The following ANO1 variants were observed in gnomAD, a reference collection of about 807,000 sequenced individuals.
ANO1 encodes anoctamin-1.
A neutral mutation model predicts 124.0 loss-of-function variants in ANO1; 59 were observed. The ratio of observed to expected loss-of-function variants is 0.48; its 90% confidence interval spans 0.39 to 0.59. The LOEUF (loss-of-function observed/expected upper bound fraction) is 0.59, where lower values mean the gene tolerates loss of function less well. ANO1 is among the 20% of genes least tolerant of loss of function. ANO1 has a pLI of 0.00. For missense variants in ANO1, 1,059 were observed against 1,328.0 expected, an observed-to-expected ratio of 0.80 and a Z score of 3.15; for synonymous variants, 529 against 532.0, an observed-to-expected ratio of 0.99 and a Z score of 0.08.
At chr11:70,084,777 A>C (rs993322371) in intron 1 of ANO1, among the ~76,000 whole-genome samples, 2 of 152,116 alleles carry the variant, frequency 1.3e-5, no homozygotes, top group Non-Finnish European at 2.9e-5. Flanking sequence ...CCACTGCCCC[A>C]GGCTGGGACA....
At chr11:69,989,301 C>A (rs1479739611) in intron 1 of ANO1, among the ~76,000 whole-genome samples, 2 of 152,150 alleles carry the variant, frequency 1.3e-5, no homozygotes, top group Non-Finnish European at 2.9e-5. Flanking sequence ...AAAGAGTTGT[C>A]CCTCCTGAAG....
Position 70,184,757 on chromosome 11 carries a change from G to T in ANO1, c.2589-833G>T, listed in dbSNP as rs1051076088. Among the ~76,000 whole-genome samples the T allele has an allele frequency of 2.3e-4, 35 of 152,126 alleles. 2 individuals carry two copies. The highest frequency in any genetic ancestry group is 2.3e-3 in the Admixed American group (35 of 15,268). ...GTGTTTTTTGGTTGTTGTTTGGTTTGCTTTTTTTAGAGACGGTCTCACTTT... is the reference window on the plus strand; with the variant it reads ...GTGTTTTTTGGTTGTTGTTTGGTTTTCTTTTTTTAGAGACGGTCTCACTTT... On this transcript the variant is annotated intron_variant, in intron 24 of 25. Transcript: ENST00000355303.
intron 8 of ANO1, 32 bp downstream of exon 8, chr11:70,116,531 C>G (rs377438416): frequency 2.2e-5 from 35 of 1,571,284 alleles, no homozygotes; most frequent in Non-Finnish European, 3.0e-5. Flanking sequence ...GGAGGTGGCT[C>G]TGTCAGAGCC....
At chr11:69,975,789 C>T in the ANO1 span, among the ~76,000 whole-genome samples, 5 of 152,344 alleles carry the variant, frequency 3.3e-5, no homozygotes, top group East Asian at 9.6e-4. Context: ...GGTAGTATAA[C>T]CCACATTTTA....
At chr11:70,121,703 GTC>G (rs1246075995) in intron 8 of ANO1, among the ~76,000 whole-genome samples, 1 of 118,940 alleles carries the variant, frequency 8.4e-6, no homozygotes, top group African/African-American at 3.3e-5. Context: ...CTCTCTGTCT[GTC>G]TCTCTATCTC....
At chr11:70,104,202 T>A in intron 4 of ANO1, 52 bp downstream of exon 4, 1 of 1,547,456 alleles carries the variant, frequency 6.5e-7, no homozygotes, top group Non-Finnish European at 8.7e-7. Context: ...TGTGGGGATT[T>A]AACCTTCTAG....
At chr11:70,115,384 G>A (rs1044465512) in intron 7 of ANO1, among the ~76,000 whole-genome samples, 2 of 151,994 alleles carry the variant, frequency 1.3e-5, no homozygotes, top group African/African-American at 2.4e-5. Context: ...AGGCCGAGGC[G>A]AGCGGATCAC....
intron 8 of ANO1, among the ~76,000 whole-genome samples, chr11:70,121,782 A>C (rs111164245): frequency 2.8e-3 from 88 of 31,834 alleles, no homozygotes; most frequent in Admixed American, 5.1e-3. Context: ...CTGTCTCTCT[A>C]TCTCTGTCTC....
chr11:69,972,483 G>A, the ANO1 span, among the ~76,000 whole-genome samples: 1 of 152,138 alleles, frequency 6.6e-6, no homozygotes, highest in African/African-American at 2.4e-5. Context: ...GGGTGTACAG[G>A]CACGCACCTG....
chr11:70,187,454 C>T (rs1565292532), intron 25 of ANO1, among the ~76,000 whole-genome samples: 1 of 152,190 alleles, frequency 6.6e-6, no homozygotes. Context: ...TGTGATCCAT[C>T]AGGTCACTTC....
At chr11:70,122,989 C>G (rs2135474974) in intron 8 of ANO1, among the ~76,000 whole-genome samples, 1 of 152,300 alleles carries the variant, frequency 6.6e-6, no homozygotes, top group Non-Finnish European at 1.5e-5. Context: ...TCGTTATCTG[C>G]CTAAGGAAAC....
At chr11:70,107,309 G>A (rs1407210558) in intron 5 of ANO1, among the ~76,000 whole-genome samples, 11 of 152,166 alleles carry the variant, frequency 7.2e-5, no homozygotes. Context: ...CCACCGGGAG[G>A]GTGGTGGCCT....
intron 11 of ANO1, among the ~76,000 whole-genome samples, chr11:70,141,299 A>G (rs2047145319): frequency 6.6e-6 from 1 of 152,114 alleles, no homozygotes; most frequent in African/African-American, 2.4e-5. Context: ...CTGCACACCT[A>G]GTGCCTTGCG....
chr11:70,112,244 T>A (rs2045814003), intron 7 of ANO1, among the ~76,000 whole-genome samples: 1 of 152,208 alleles, frequency 6.6e-6, no homozygotes, highest in Admixed American at 6.5e-5. Flanking sequence ...GAGAGAAGAT[T>A]GTCTTCTTGT....
intron 16 of ANO1, among the ~76,000 whole-genome samples, chr11:70,157,660 A>G (rs2047872356): frequency 6.6e-6 from 1 of 152,152 alleles, no homozygotes; most frequent in African/African-American, 2.4e-5. Context: ...TGGGATTCAA[A>G]GATATCATTT....
intron 1 of ANO1, among the ~76,000 whole-genome samples, chr11:70,087,058 A>T (rs530623848): frequency 1.3e-5 from 2 of 152,332 alleles, no homozygotes; most frequent in East Asian, 3.9e-4. Context: ...ATCCATGTGC[A>T]TGGGGAGCCC....
At chr11:70,105,177 C>A (rs907389034) in intron 4 of ANO1, among the ~76,000 whole-genome samples, 1 of 152,134 alleles carries the variant, frequency 6.6e-6, no homozygotes, top group Non-Finnish European at 1.5e-5. Context: ...TGGAAACTGG[C>A]CCAGCCGCCC....
intron 1 of ANO1, among the ~76,000 whole-genome samples, chr11:70,016,025 T>C (rs1555001897): frequency 3.2e-5 from 1 of 31,334 alleles, no homozygotes; most frequent in African/African-American, 1.1e-4. Flanking sequence ...CCTTTCTTTC[T>C]TTTTTTTTTT....
intron 1 of ANO1, among the ~76,000 whole-genome samples, chr11:70,070,936 A>C (rs1344989532): frequency 6.6e-6 from 1 of 152,136 alleles, no homozygotes; most frequent in Admixed American, 6.5e-5. Flanking sequence ...CCTGCTCCCC[A>C]GCGCTGCCAG....
Sources: gnomAD v4.1 joint callset for allele counts (sites outside exome capture counted in the v4.1 genomes callset) on GRCh38, gnomAD v4.1.1 for gene constraint, MANE v1.5 for transcripts, NCBI Gene and HGNC (gene_info 2026-07-23, HGNC 2026-07-21) for gene names.